VPS13B: variants seen among roughly 807,000 people sequenced by gnomAD.
VPS13B encodes the protein intermembrane lipid transfer protein VPS13B.
VPS13B carries 285 observed loss-of-function variants against 426.4 expected under a neutral mutation model. The ratio of observed to expected loss-of-function variants is 0.67; its 90% CI spans 0.61 to 0.74. The LOEUF (loss-of-function observed/expected upper bound fraction) is 0.74. Ranked by LOEUF, VPS13B falls within the 30% of genes least tolerant of loss-of-function variation. The pLI is 0.00. For missense variants in VPS13B, 4,537 were observed against 4,782.6 expected (o/e 0.95, Z 1.51); for synonymous variants, 1,676 against 1,676.4 (o/e 1.00, Z 0.01).
At chr8:99,060,368 G>A (rs1235778128) in intron 3 of VPS13B, among the ~76,000 whole-genome samples, 1 of 152,144 alleles carries the variant, frequency 6.6e-6, no homozygotes, top group African/African-American at 2.4e-5. Context: ...CAGCACTTTG[G>A]GAGGCTGAGG....
chr8:99,809,622 G>A, intron 44 of VPS13B, 92 bp downstream of exon 44: 1 of 1,489,860 alleles, frequency 6.7e-7, no homozygotes, highest in Non-Finnish European at 9.3e-7. Flanking sequence ...AAATCACAGT[G>A]GTTATGCCTA....
At chr8:99,097,196 T>G (rs937672479) in intron 4 of VPS13B, among the ~76,000 whole-genome samples, 5 of 152,224 alleles carry the variant, frequency 3.3e-5, no homozygotes, top group Non-Finnish European at 7.4e-5. Context: ...CATACAGGTG[T>G]TCTTTCTTAT....
chr8:99,599,505 C>A (rs992202721), intron 33 of VPS13B, among the ~76,000 whole-genome samples: 19 of 152,164 alleles, frequency 1.2e-4, no homozygotes, highest in African/African-American at 3.9e-4. Context: ...GACAAATGAG[C>A]AGGCTGTTCA....
chr8:99,641,253 A>T (rs986967754), intron 33 of VPS13B, among the ~76,000 whole-genome samples: 1 of 152,220 alleles, frequency 6.6e-6, no homozygotes, highest in Non-Finnish European at 1.5e-5. Context: ...GAAAATAAAC[A>T]TCTTTTGAAA....
intron 25 of VPS13B, among the ~76,000 whole-genome samples, chr8:99,501,030 A>G (rs926813941): frequency 2.6e-5 from 4 of 152,200 alleles, no homozygotes; most frequent in African/African-American, 9.6e-5. Flanking sequence ...TTCCACTAAG[A>G]AAGCTTTAAC....
intron 30 of VPS13B, among the ~76,000 whole-genome samples, chr8:99,535,568 TAA>T (rs1307878777): frequency 6.6e-6 from 1 of 152,200 alleles, no homozygotes; most frequent in East Asian, 1.9e-4. Context: ...TAAAAATGGG[TAA>T]AAAGTCAGTG....
chr8:99,769,639 T>C (rs997572271), intron 40 of VPS13B, among the ~76,000 whole-genome samples: 2 of 152,176 alleles, frequency 1.3e-5, no homozygotes, highest in East Asian at 3.9e-4. Context: ...CCTGTGGTAA[T>C]GGCATCACCG....
intron 12 of VPS13B, among the ~76,000 whole-genome samples, chr8:99,137,388 G>A (rs1186200812): frequency 3.3e-5 from 5 of 151,834 alleles, no homozygotes; most frequent in Non-Finnish European, 7.4e-5. Context: ...CAGTGTATTA[G>A]GTGATATGTT....
At chr8:99,558,976 A>G (rs1219226694) in intron 31 of VPS13B, among the ~76,000 whole-genome samples, 1 of 152,180 alleles carries the variant, frequency 6.6e-6, no homozygotes, top group Admixed American at 6.5e-5. Flanking sequence ...ATCCTTGAGG[A>G]ATTGCCACAC....
intron 56 of VPS13B, among the ~76,000 whole-genome samples, chr8:99,856,847 CAT>C (rs1271901871): frequency 6.6e-6 from 1 of 151,892 alleles, no homozygotes; most frequent in African/African-American, 2.4e-5. Context: ...TCTCCAAAAA[CAT>C]AAAAAATATT....
chr8:99,459,799 A>G (rs540452411), intron 23 of VPS13B, among the ~76,000 whole-genome samples: 1 of 152,244 alleles, frequency 6.6e-6, no homozygotes, highest in South Asian at 2.1e-4. Flanking sequence ...TGTTAGATGT[A>G]TATGTACCTA....
chr8:99,617,352 G>A (rs767749741), intron 33 of VPS13B, among the ~76,000 whole-genome samples: 5 of 151,976 alleles, frequency 3.3e-5, no homozygotes, highest in Non-Finnish European at 7.4e-5. Context: ...TTTTTGAGAC[G>A]GAGACAGGCT....
chr8:99,136,670 A>G lies in VPS13B; in HGVS notation c.1569A>G (p.Thr523=), dbSNP rs797046094. 6.2e-7 allele frequency: 1 copy of G among 1,613,584 alleles called. No homozygotes were observed. The highest frequency in any genetic ancestry group is 8.5e-7 in the Non-Finnish European group (1 of 1,179,606). The change falls in exon 12 of 62, where the codon ACA becomes ACG. Residue 523 remains threonine, a synonymous_variant. Transcript: ENST00000357162. ...TTGCATTGCTTTGTTGGCAGGAGACATACACTGAGATAGCTGGAATGCAAC... is the reference window on the plus strand; with the variant it reads ...TTGCATTGCTTTGTTGGCAGGAGACGTACACTGAGATAGCTGGAATGCAAC... ...FILDSTHHKE[T]YTEIAGMQRF...
At chr8:99,618,263 ATTC>A (rs1452934724) in intron 33 of VPS13B, among the ~76,000 whole-genome samples, 2 of 147,938 alleles carry the variant, frequency 1.4e-5, no homozygotes. Flanking sequence ...CTTTATAATA[ATTC>A]TTCATGTGTA....
intron 17 of VPS13B, among the ~76,000 whole-genome samples, chr8:99,229,356 T>G (rs1246550184): frequency 6.6e-6 from 1 of 152,202 alleles, no homozygotes; most frequent in Non-Finnish European, 1.5e-5. Context: ...AAAGCTGAAG[T>G]CAACTTAATA....
At chr8:99,452,414 T>C (rs979771182) in intron 23 of VPS13B, among the ~76,000 whole-genome samples, 1 of 152,088 alleles carries the variant, frequency 6.6e-6, no homozygotes, top group African/African-American at 2.4e-5. Context: ...CCTACTAGGG[T>C]GAAAAGAGCA....
At chr8:99,344,167 C>T (rs1001670799) in intron 19 of VPS13B, among the ~76,000 whole-genome samples, 4 of 152,134 alleles carry the variant, frequency 2.6e-5, no homozygotes, top group African/African-American at 7.2e-5. Flanking sequence ...CATTTATAGT[C>T]AATTGATTTT....
At chr8:99,081,580 C>A (rs1299372700) in intron 3 of VPS13B, among the ~76,000 whole-genome samples, 2 of 130,418 alleles carry the variant, frequency 1.5e-5, no homozygotes, top group African/African-American at 5.7e-5. Flanking sequence ...CCCCCCTCCC[C>A]CAACCCCACA....
chr8:99,809,297 A>G, intron 43 of VPS13B, 78 bp from the exon 44 acceptor site: 1 of 1,581,418 alleles, frequency 6.3e-7, no homozygotes, highest in East Asian at 2.2e-5. Context: ...AAGGTTTTCC[A>G]GCAATGAGAC....
Sources: gnomAD v4.1 joint callset for allele counts (sites outside exome capture counted in the v4.1 genomes callset) on GRCh38, gnomAD v4.1.1 for gene constraint, MANE v1.5 for transcripts, NCBI Gene and HGNC (gene_info 2026-07-23, HGNC 2026-07-21) for gene names.